PWWP3A: variants seen among roughly 807,000 people sequenced by gnomAD.
PWWP3A encodes PWWP domain-containing DNA repair factor 3A.
In PWWP3A, 53 loss-of-function variants were observed where a neutral mutation model predicts 79.0. The ratio of observed to expected loss-of-function variants is 0.67; its 90% CI spans 0.54 to 0.84. The LOEUF (loss-of-function observed/expected upper bound fraction) is 0.84, where lower values mean the gene tolerates loss of function less well. Ranked by LOEUF, PWWP3A falls within the 40% of genes least tolerant of loss-of-function variation. The pLI, the probability that PWWP3A is intolerant of heterozygous loss-of-function variation, is 0.00. For synonymous variants in PWWP3A, 443 were observed against 394.4 expected, an observed-to-expected ratio of 1.12 and a Z score of -1.46; for missense variants, 973 against 948.0, an observed-to-expected ratio of 1.03 and a Z score of -0.35.
At chr19:1,364,124 C>T (rs768436983) in intron 6 of PWWP3A, 3 of 523,752 alleles carry the variant, frequency 5.7e-6, no homozygotes, top group East Asian at 5.3e-5. Context: ...ATTACCTCAC[C>T]TCTGTTTTGT....
chr19:1,369,894 G>A lies in PWWP3A; in HGVS notation c.1549+248G>A, dbSNP rs1452929162. ...GCCCTCATCCCATGGGCCACATCCA[G>A]CGTGTCCCTGCTGTGGCTGGTGGCT... On this transcript the variant is annotated intron_variant, in intron 11 of 13. Coordinates refer to ENST00000591337, the MANE Select transcript of PWWP3A (RefSeq NM_001369789.1). This position sits in a 1 kb window ranked among gnomAD's most constrained non-coding sequence, Gnocchi z 4.0. Among the ~76,000 whole-genome samples, 1 of 152,186 alleles carries A rather than the reference G, an allele frequency of 6.6e-6. No homozygotes were observed. The highest frequency in any genetic ancestry group is 1.5e-5 in the Non-Finnish European group (1 of 68,026).
In PWWP3A at chr19:1,365,616, G is replaced by T. The variant is rs577557001; in HGVS notation, c.1285-689G>T. The stretch of plus-strand genomic sequence containing the variant: ...GGGCTCCTTGTGTCGCCTACTGGCC[G>T]GCGGAGATGGAGGCCGGGCTTCTGG... On this transcript the variant is annotated intron_variant, in intron 7 of 13. Coordinates refer to ENST00000591337, the MANE Select transcript of PWWP3A (RefSeq NM_001369789.1). 7.9e-5 allele frequency among the ~76,000 whole-genome samples: 12 copies of T among 152,370 alleles called. No individual in the cohort carries two copies. In the South Asian group the frequency reaches 2.5e-3, roughly 32 times the overall value.
At chr19:1,366,413 G>C in intron 8 of PWWP3A, 32 bp downstream of exon 8, 2 of 1,598,088 alleles carry the variant, frequency 1.3e-6, no homozygotes, top group Non-Finnish European at 1.7e-6. Flanking sequence ...CTGTGAATGG[G>C]CCTGAGGGGC....
rs563689145 is a variant in PWWP3A, at chr19:1,366,309, A to G, written c.1289A>G (p.Lys430Arg). ...TTTTCTTGGATTTGTGAACAGGTCA[A>G]AAGCGTCAGGCAGAGAGATAAGAAA... ...KKYPFWPAVVKSVRQRDKKAS... is the reference protein window; with the variant it reads ...KKYPFWPAVVRSVRQRDKKAS... The change falls in exon 8 of 14, where the codon AAA (lysine) becomes AGA (arginine). Residue 430 changes from lysine to arginine, a missense_variant. Transcript: ENST00000591337. 6.2e-7 allele frequency: 1 copy of G among 1,614,226 alleles called. No homozygotes were observed. The highest frequency in any genetic ancestry group is 1.1e-5 in the South Asian group (1 of 91,092).
At position 1,360,899 on chromosome 19, in the gene PWWP3A, CCCCGGGCCGGGGCCAGGG is replaced by C. The variant is rs1415430487; in HGVS notation, c.982_999del (p.Gly328_Pro333del). On this transcript the variant is annotated inframe_deletion, in exon 5 of 14. Transcript: ENST00000591337. This position sits in a 1 kb window ranked among gnomAD's most constrained non-coding sequence, Gnocchi z 4.4. ...CCATGGCAGCAGGGGCCGCACCATC[CCCCGGGCCGGGGCCAGGG>C]CCCAGAGAGTCTGTGACCCCGCGCA... is the stretch of plus-strand genomic sequence containing the variant. The C allele has an allele frequency of 1.9e-6, 3 of 1,541,576 alleles. No homozygotes were observed.
intron 6 of PWWP3A, 109 bp from the exon 7 acceptor site, chr19:1,364,400 T>G (rs774028688): frequency 3.3e-5 from 26 of 798,980 alleles, no homozygotes; most frequent in Non-Finnish European, 5.2e-5. Context: ...AGTCAGGTTT[T>G]AACAATATCG....
rs118122389 is a variant in PWWP3A, at chr19:1,356,845, G to T, written c.58-164G>T. 7.0e-3 allele frequency among the ~76,000 whole-genome samples: 1,064 copies of T among 152,222 alleles called. 5 individuals are homozygous for T. Among genetic ancestry groups the T allele is most frequent in the Non-Finnish European group, 0.012 (784 of 68,006 alleles). ...TCTTTGTCTGCCACTGGCCTCTCATGCCTCAGTTTCCCCATCTGTGAAACA... is the reference window on the plus strand; with the variant it reads ...TCTTTGTCTGCCACTGGCCTCTCATTCCTCAGTTTCCCCATCTGTGAAACA... On this transcript the variant is annotated intron_variant, in intron 2 of 13. Coordinates refer to ENST00000591337, the MANE Select transcript of PWWP3A (RefSeq NM_001369789.1).
At chr19:1,375,566 A>AATAATATAATTTTATATATTAT (rs1568965688) in intron 13 of PWWP3A, among the ~76,000 whole-genome samples, 1 of 81,322 alleles carries the variant, frequency 1.2e-5, no homozygotes, top group Non-Finnish European at 2.2e-5. Context: ...TTATATATAA[A>AATAATATAATTTTATATATTAT]ATATATTATA....
Position 1,360,227 on chromosome 19 carries a change from G to C in PWWP3A, c.306G>C (p.Ser102=). The change falls in exon 5 of 14, where the codon TCG becomes TCC. Residue 102 remains serine (S), a synonymous_variant. Transcript: ENST00000591337. This position sits in a 1 kb window ranked among gnomAD's most constrained non-coding sequence, Gnocchi z 4.4. ...RVALDVLSEG[S]IWSQESSAGT... ...CTCTGGACGTTCTGAGCGAGGGCTCGATTTGGAGTCAAGAAAGCTCTGCAG... is the reference window on the plus strand; with the variant it reads ...CTCTGGACGTTCTGAGCGAGGGCTCCATTTGGAGTCAAGAAAGCTCTGCAG... 1 of 1,613,884 alleles carries C rather than the reference G, an allele frequency of 6.2e-7. No homozygotes were observed.
At position 1,370,928 on chromosome 19, in the gene PWWP3A, G is replaced by C. The variant is rs925933496; in HGVS notation, c.1836G>C (p.Val612=). Residue 612 remains valine, a synonymous_variant, in exon 12 of 14, where the codon GTG becomes GTC. Coordinates refer to ENST00000591337, the MANE Select transcript of PWWP3A (RefSeq NM_001369789.1). ...LQTFLSSSQY[V]TCVETYLEDE... is the part of the protein sequence containing the mutation. ...CCTTCCTGAGCTCCAGCCAGTACGT[G>C]ACCTGTGTGGAGACCTACCTGGAGG... 2.6e-6 allele frequency: 4 copies of C among 1,556,170 alleles called. No individual in the cohort carries two copies. The African/African-American group carries it at 5.4e-5, about 21-fold the overall frequency.
chr19:1,375,293 GCGGTGAGCACTTTCAC>G lies in PWWP3A; in HGVS notation c.2076-1225_2076-1210del, dbSNP rs1267749352. ...ACCTTCTTAAGTGTATGGTTCGATGGCGGTGAGCACTTTCACAGTGCTATGCAGCCGGTACTGCTGC... is the reference window on the plus strand; with the variant it reads ...ACCTTCTTAAGTGTATGGTTCGATGGAGTGCTATGCAGCCGGTACTGCTGC... On this transcript the variant is annotated intron_variant, in intron 13 of 13. Transcript: ENST00000591337. 2.0e-5 allele frequency among the ~76,000 whole-genome samples: 3 copies of G among 149,660 alleles called. No individual in the cohort carries two copies. In the East Asian group the frequency reaches 5.8e-4, roughly 29 times the overall value.
At chr19:1,375,537 T>TATATATAAAATATATATATATAAAATATA (rs1162661703) in intron 13 of PWWP3A, among the ~76,000 whole-genome samples, 1 of 96,216 alleles carries the variant, frequency 1.0e-5, no homozygotes, top group Non-Finnish European at 1.9e-5. Context: ...ATTTATATAT[T>TATATATAAAATATATATATATAAAATATA]TTATATATAA....
intron 1 of PWWP3A, 121 bp from the exon 2 acceptor site, chr19:1,356,203 A>C: frequency 3.2e-6 from 2 of 631,396 alleles, no homozygotes; most frequent in South Asian, 3.5e-5. Flanking sequence ...TCAATGCAAG[A>C]TTGTGGAATT....
intron 13 of PWWP3A, among the ~76,000 whole-genome samples, chr19:1,375,598 T>C (rs1208398712): frequency 2.2e-5 from 3 of 135,882 alleles, no homozygotes; most frequent in East Asian, 2.0e-4. Context: ...TAATTTTATA[T>C]ATTATAATAT....
rs1210845958 is a variant in PWWP3A, at chr19:1,355,088, C to T, written c.-117C>T. ...CCTCCGCTGTTGCGGCCGCTGCGGC[C>T]TCCTTGCCCGGGCTTGGGGCGCCGC... On this transcript the variant is annotated 5_prime_UTR_variant, in exon 1 of 14. Transcript: ENST00000591337. 6.6e-6 allele frequency: 1 copy of T among 151,978 alleles called. No homozygotes were observed. The highest frequency in any genetic ancestry group is 1.5e-5 in the Non-Finnish European group (1 of 67,714). 9.4% of individuals were successfully genotyped at this position (151,978 alleles called of 1,614,324 possible). A position where few individuals can be genotyped will look rare whatever the true frequency, so the allele number is the denominator to read the frequency against.
At chr19:1,363,176 C>T (rs563432737) in intron 6 of PWWP3A, among the ~76,000 whole-genome samples, 36 of 152,358 alleles carry the variant, frequency 2.4e-4, no homozygotes, top group South Asian at 2.1e-4. Context: ...CGCCATTCCA[C>T]GCACACTTGC....
chr19:1,367,119 G>A, intron 8 of PWWP3A, 41 bp from the exon 9 acceptor site: 2 of 1,531,220 alleles, frequency 1.3e-6, no homozygotes, highest in Middle Eastern at 1.7e-4. Context: ...CTTATTAGAG[G>A]AAGTTCATTC....
rs2082424990 is a variant in PWWP3A, at chr19:1,377,413, C to T, written c.*837C>T. ...AGGGTGGCCGCAGCAGTCAGGGTCA[C>T]TGTGGGAGCCCTGGGGTGGAGTGAC... On this transcript the variant is annotated 3_prime_UTR_variant, in exon 14 of 14. Transcript: ENST00000591337. The T allele has an allele frequency of 6.6e-6, 1 of 152,436 alleles. No individual in the cohort carries two copies. Among genetic ancestry groups the T allele is most frequent in the Non-Finnish European group, 1.5e-5 (1 of 68,212 alleles). The allele number at this position is 152,436 out of a possible 1,614,324, so 9.4% of individuals were successfully genotyped here. A position where few individuals can be genotyped will look rare whatever the true frequency, so the allele number is the denominator to read the frequency against.
Position 1,369,291 on chromosome 19 carries a change from G to C in PWWP3A, c.1449G>C (p.Gln483His). ...ATCAAGCCAGGGAGGACTTCAACCA[G>C]GACATCGGCTGGTGTGTCTCCCTCA... The part of the protein sequence containing the change: ...LLNQAREDFN[Q>H]DIGWCVSLIT... The change falls in exon 10 of 14, where the codon CAG becomes CAC. Residue 483 changes from glutamine to histidine, a missense_variant. Transcript: ENST00000591337. This position sits in a 1 kb window ranked among gnomAD's most constrained non-coding sequence, Gnocchi z 4.0. 1 of 1,614,118 alleles carries C rather than the reference G, an allele frequency of 6.2e-7. No homozygotes were observed. The highest frequency in any genetic ancestry group is 8.5e-7 in the Non-Finnish European group (1 of 1,180,020).
Sources: gnomAD v4.1 joint callset for allele counts (sites outside exome capture counted in the v4.1 genomes callset) on GRCh38, gnomAD v4.1.1 for gene constraint, Gnocchi (gnomAD v3.1) non-coding constraint, MANE v1.5 for transcripts, NCBI Gene and HGNC (gene_info 2026-07-23, HGNC 2026-07-21) for gene names.